Variants in CMSS1 observed in about 807,000 individuals in gnomAD.
CMSS1 encodes the protein cms1 ribosomal small subunit homolog, also known as protein CMSS1.
Under a neutral mutation model 43.5 loss-of-function variants are expected in CMSS1, and 33 were observed. That is an observed-to-expected ratio of 0.76 (90% CI 0.57 to 1.01). The LOEUF (loss-of-function observed/expected upper bound fraction) is 1.01, where lower values mean the gene tolerates loss of function less well. CMSS1 is among the 50% of genes least tolerant of loss of function. The pLI is 0.00. For synonymous variants in CMSS1, 115 were observed against 117.2 expected (o/e 0.98, Z 0.12); for missense variants, 313 against 326.4 (o/e 0.96, Z 0.32).
intron 1 of CMSS1, among the ~76,000 whole-genome samples, chr3:100,064,065 T>C (rs190450660): frequency 1.1e-4 from 17 of 152,254 alleles, no homozygotes; most frequent in African/African-American, 3.9e-4. Context: ...AGTTCTTGTT[T>C]TGTTTGTTCT....
intron 1 of CMSS1, among the ~76,000 whole-genome samples, chr3:99,906,109 G>A (rs551736775): frequency 2.0e-5 from 3 of 152,164 alleles, no homozygotes; most frequent in South Asian, 2.1e-4. Context: ...TGGGAGGATC[G>A]CTTGAGCCCA....
At chr3:99,888,996 C>A (rs1706000224) in intron 1 of CMSS1, among the ~76,000 whole-genome samples, 1 of 152,106 alleles carries the variant, frequency 6.6e-6, no homozygotes, top group African/African-American at 2.4e-5. Context: ...AGTATGTTAT[C>A]TATCCTTTGA....
chr3:99,946,063 G>A (rs919802912), intron 1 of CMSS1, among the ~76,000 whole-genome samples: 11 of 152,184 alleles, frequency 7.2e-5, no homozygotes, highest in African/African-American at 2.7e-4. Context: ...TGAAATTATG[G>A]TCTTGGTTCA....
chr3:99,832,824 A>G (rs1239191200), intron 1 of CMSS1, among the ~76,000 whole-genome samples: 1 of 138,040 alleles, frequency 7.2e-6, no homozygotes, highest in Admixed American at 7.4e-5. Flanking sequence ...TGGGCCACAG[A>G]GCAAGACTCT....
At chr3:99,850,124 A>AT (rs780900196) in intron 1 of CMSS1, 1 of 1,612,484 alleles carries the variant, frequency 6.2e-7, no homozygotes, top group Admixed American at 1.7e-5. Context: ...GCAGCTTGTA[A>AT]TTTATCTTCA....
At chr3:99,821,901 C>T (rs1242316760) in intron 1 of CMSS1, among the ~76,000 whole-genome samples, 6 of 152,012 alleles carry the variant, frequency 3.9e-5, no homozygotes, top group African/African-American at 1.5e-4. Flanking sequence ...CAAAAATTAG[C>T]CAGGTGTGGT....
chr3:100,014,891 C>CTTTTTTTTTTTTTTTTTTTTTTTTTTTTT (rs1710284139), intron 1 of CMSS1, among the ~76,000 whole-genome samples: 4 of 27,224 alleles, frequency 1.5e-4, no homozygotes, highest in East Asian at 9.8e-4. Flanking sequence ...TTTTTTCTTT[C>CTTTTTTTTTTTTTTTTTTTTTTTTTTTTT]TTTCTTTTTT....
intron 1 of CMSS1, among the ~76,000 whole-genome samples, chr3:100,093,453 CA>C (rs958514288): frequency 2.6e-5 from 4 of 151,968 alleles, no homozygotes; most frequent in African/African-American, 9.6e-5. Context: ...TACTTTTTTA[CA>C]AAAAATATAT....
chr3:100,087,520 A>T (rs549252033), intron 1 of CMSS1, among the ~76,000 whole-genome samples: 3 of 152,226 alleles, frequency 2.0e-5, no homozygotes, highest in East Asian at 3.9e-4. Context: ...CCTATTTTTC[A>T]TCCAAGTATA....
At chr3:99,853,728 T>G (rs888282135) in intron 1 of CMSS1, among the ~76,000 whole-genome samples, 5 of 152,256 alleles carry the variant, frequency 3.3e-5, no homozygotes, top group African/African-American at 1.2e-4. Flanking sequence ...ATGCATTTTC[T>G]CTAAGCATTT....
At chr3:100,002,501 A>T (rs1709871498) in intron 1 of CMSS1, among the ~76,000 whole-genome samples, 1 of 152,198 alleles carries the variant, frequency 6.6e-6, no homozygotes, top group Non-Finnish European at 1.5e-5. Flanking sequence ...GCACACAGGT[A>T]CACACTCTTC....
At chr3:99,966,485 T>C (rs373315273) in intron 1 of CMSS1, among the ~76,000 whole-genome samples, 1 of 152,162 alleles carries the variant, frequency 6.6e-6, no homozygotes. Flanking sequence ...GAAATGATTG[T>C]TTTTGTGCAG....
At chr3:100,035,274 G>GTAT (rs1232574387) in intron 1 of CMSS1, among the ~76,000 whole-genome samples, 2 of 151,832 alleles carry the variant, frequency 1.3e-5, no homozygotes, top group Admixed American at 6.6e-5. Context: ...TAAATTATTA[G>GTAT]TATTATTATT....
chr3:100,161,768 G>A (rs961018952), intron 3 of CMSS1, among the ~76,000 whole-genome samples: 7 of 152,160 alleles, frequency 4.6e-5, no homozygotes, highest in East Asian at 1.9e-4. Context: ...CTTTGCATAG[G>A]GCCACTTTAA....
At chr3:100,147,127 T>C (rs1004203079) in intron 2 of CMSS1, 66 bp downstream of exon 2, 9 of 1,568,960 alleles carry the variant, frequency 5.7e-6, no homozygotes, top group African/African-American at 2.7e-5. Flanking sequence ...CTCCTCTCTA[T>C]TGAACTCCCC....
rs190440594 is a variant in CMSS1, at chr3:99,918,730, T to C, written c.64+100687T>C. Among the ~76,000 whole-genome samples the C allele has an allele frequency of 4.1e-3, 622 of 152,322 alleles. 7 individuals carry two copies. The highest frequency in any genetic ancestry group is 0.013 in the African/African-American group (551 of 41,574). ...GTAATTAATCTCTCTGCATCCCTTT[T>C]CAGATCCTGTGTTAGGTCCAGCATG... On this transcript the variant is annotated intron_variant, in intron 1 of 9. Transcript: ENST00000421999.
At chr3:99,862,693 C>G (rs1944322121) in intron 1 of CMSS1, among the ~76,000 whole-genome samples, 1 of 152,148 alleles carries the variant, frequency 6.6e-6, no homozygotes, top group South Asian at 2.1e-4. Context: ...GTTGAGAAGT[C>G]ACTGTTTTAG....
intron 1 of CMSS1, among the ~76,000 whole-genome samples, chr3:100,128,449 G>T (rs1284307309): frequency 6.6e-6 from 1 of 152,158 alleles, no homozygotes. Flanking sequence ...GATTGTTAAT[G>T]TTTTTTGCAA....
intron 1 of CMSS1, among the ~76,000 whole-genome samples, chr3:99,933,023 A>G (rs776352572): frequency 6.6e-6 from 1 of 152,164 alleles, no homozygotes; most frequent in Admixed American, 6.5e-5. Context: ...CAACAACACT[A>G]TGAGGTAGGG....
Sources: gnomAD v4.1 joint callset for allele counts (sites outside exome capture counted in the v4.1 genomes callset) on GRCh38, gnomAD v4.1.1 for gene constraint, MANE v1.5 for transcripts, NCBI Gene and HGNC (gene_info 2026-07-23, HGNC 2026-07-21) for gene names.